Variants in SIPA1L1 observed in about 807,000 individuals in gnomAD.
SIPA1L1 encodes signal-induced proliferation-associated 1-like protein 1.
SIPA1L1 carries 26 observed loss-of-function variants against 162.7 expected under a neutral mutation model. The ratio of observed to expected loss-of-function variants is 0.16; its 90% CI spans 0.12 to 0.22. The LOEUF (loss-of-function observed/expected upper bound fraction) is 0.22, where lower values mean the gene tolerates loss of function less well. Among genes scored for constraint, SIPA1L1 ranks in the 10% least tolerant of loss-of-function variants. The probability of loss-of-function intolerance (pLI) is 1.00; values close to 1 mark genes in which losing one functional copy is unlikely to be tolerated. For synonymous variants in SIPA1L1, 829 were observed against 837.4 expected (o/e 0.99, Z 0.17); for missense variants, 1,874 against 2,241.0 (o/e 0.84, Z 3.31).
Position 71,705,326 on chromosome 14 carries a change from A to T in SIPA1L1, c.3751A>T (p.Asn1251Tyr), listed in dbSNP as rs750305841. Residue 1251 changes from asparagine to tyrosine, a missense_variant, in exon 16 of 24, where the codon AAC becomes TAC. By Grantham distance (143) the Asn-to-Tyr change is moderately radical. This residue lies in a region of SIPA1L1 where 936 missense variants were observed against 1,051.9 expected (regional missense o/e 0.89). Coordinates refer to ENST00000381232, the MANE Select transcript of SIPA1L1 (RefSeq NM_001386936.1). ...RQDPVVHLSPNKQGHSDSHYS... is the reference protein window; with the variant it reads ...RQDPVVHLSPYKQGHSDSHYS... ...GGATCCAGTGGTTCATTTGTCTCCA[A>T]ACAAACAAGGGCATGTAAGTTAACT... 52 of 1,612,736 alleles carry T rather than the reference A, an allele frequency of 3.2e-5. No homozygotes were observed. Among genetic ancestry groups the T allele is most frequent in the Non-Finnish European group, 4.2e-5 (50 of 1,178,824 alleles).
intron 4 of SIPA1L1, among the ~76,000 whole-genome samples, chr14:71,547,430 A>C (rs2055338714): frequency 6.7e-6 from 1 of 149,806 alleles, no homozygotes; most frequent in East Asian, 2.0e-4. Context: ...AGTAGCTGGG[A>C]TTACAAGTGT....
chr14:71,727,889 C>T (rs1485570745), intron 19 of SIPA1L1, among the ~76,000 whole-genome samples: 1 of 152,224 alleles, frequency 6.6e-6, no homozygotes, highest in Non-Finnish European at 1.5e-5. Flanking sequence ...AGAACGCCTT[C>T]GGGGTAGGTT....
intron 16 of SIPA1L1, among the ~76,000 whole-genome samples, chr14:71,707,137 A>G (rs1474508674): frequency 1.3e-5 from 2 of 150,996 alleles, no homozygotes; most frequent in Non-Finnish European, 3.0e-5. Flanking sequence ...ACACGCACGC[A>G]CACACACACG....
intron 2 of SIPA1L1, among the ~76,000 whole-genome samples, chr14:71,460,590 G>A (rs770499990): frequency 5.3e-5 from 8 of 152,162 alleles, no homozygotes; most frequent in Non-Finnish European, 1.2e-4. Flanking sequence ...TCAACTTCCA[G>A]TTTAATGGAA....
chr14:71,445,794 G>T, intron 2 of SIPA1L1, among the ~76,000 whole-genome samples: 1 of 152,104 alleles, frequency 6.6e-6, no homozygotes, highest in Non-Finnish European at 1.5e-5. Flanking sequence ...TAGATATTAG[G>T]TAACTTAACA....
intron 5 of SIPA1L1, among the ~76,000 whole-genome samples, chr14:71,590,047 ATATATAT>A (rs2035168938): frequency 3.9e-3 from 182 of 47,042 alleles, no homozygotes; most frequent in Middle Eastern, 8.9e-3. Flanking sequence ...AAAAAAAAAT[ATATATAT>A]ATATATATAT....
At chr14:71,426,568 C>T (rs2043583057) in intron 2 of SIPA1L1, among the ~76,000 whole-genome samples, 2 of 149,542 alleles carry the variant, frequency 1.3e-5, no homozygotes, top group South Asian at 4.2e-4. Context: ...TGGCTTACTG[C>T]AACCTCTGCC....
chr14:71,622,004 T>G (rs776625634), intron 6 of SIPA1L1, among the ~76,000 whole-genome samples: 20 of 152,230 alleles, frequency 1.3e-4, no homozygotes, highest in Admixed American at 3.3e-4. Context: ...TGTCTGTAGC[T>G]CCTGCACTTT....
intron 19 of SIPA1L1, among the ~76,000 whole-genome samples, chr14:71,728,675 G>C (rs1269830958): frequency 3.9e-5 from 6 of 152,182 alleles, no homozygotes; most frequent in Admixed American, 3.9e-4. Context: ...TTCTCTCTCT[G>C]CCCCTTCAGA....
At chr14:71,637,868 C>CT (rs1361643579) in intron 7 of SIPA1L1, among the ~76,000 whole-genome samples, 1 of 152,270 alleles carries the variant, frequency 6.6e-6, no homozygotes, top group Middle Eastern at 3.4e-3. Context: ...GGGTACTACT[C>CT]TATCAGGAAT....
At chr14:71,512,350 C>T (rs906359479) in intron 2 of SIPA1L1, among the ~76,000 whole-genome samples, 5 of 152,076 alleles carry the variant, frequency 3.3e-5, no homozygotes, top group South Asian at 2.1e-4. Flanking sequence ...AAATATTTTA[C>T]GTTAAAATAT....
chr14:71,336,997 G>A (rs929496199), intron 2 of SIPA1L1, among the ~76,000 whole-genome samples: 4 of 152,046 alleles, frequency 2.6e-5, no homozygotes, highest in African/African-American at 7.2e-5. Flanking sequence ...TTTCTGACCC[G>A]TTTGACTCCC....
intron 7 of SIPA1L1, among the ~76,000 whole-genome samples, chr14:71,644,193 C>G (rs2041963139): frequency 6.6e-6 from 1 of 151,862 alleles, no homozygotes; most frequent in Non-Finnish European, 1.5e-5. Context: ...ATGAAAAATT[C>G]ATTGACTTTC....
intron 2 of SIPA1L1, among the ~76,000 whole-genome samples, chr14:71,388,653 T>C (rs1595167962): frequency 6.6e-6 from 1 of 152,220 alleles, no homozygotes; most frequent in Non-Finnish European, 1.5e-5. Flanking sequence ...GCTAAAGATA[T>C]TTCCTGCAGA....
chr14:71,667,813 C>T (rs968748044), intron 10 of SIPA1L1, among the ~76,000 whole-genome samples: 2 of 152,158 alleles, frequency 1.3e-5, no homozygotes, highest in Non-Finnish European at 2.9e-5. Context: ...TGCCTGTAAT[C>T]CCAGCAATTT....
At chr14:71,698,865 C>A in intron 13 of SIPA1L1, 116 bp from the exon 14 acceptor site, 2 of 870,776 alleles carry the variant, frequency 2.3e-6, no homozygotes, top group Non-Finnish European at 3.2e-6. Flanking sequence ...GCTTCATTTT[C>A]ACTATCTCCA....
intron 5 of SIPA1L1, among the ~76,000 whole-genome samples, chr14:71,617,788 C>T (rs187793419): frequency 1.3e-5 from 2 of 152,140 alleles, no homozygotes; most frequent in African/African-American, 4.8e-5. Context: ...AAATGAAATA[C>T]AATAATGTAT....
intron 2 of SIPA1L1, among the ~76,000 whole-genome samples, chr14:71,400,474 T>C (rs2041585165): frequency 6.6e-6 from 1 of 152,104 alleles, no homozygotes. Context: ...GCAAATTGAA[T>C]CTTAGGGAAT....
intron 4 of SIPA1L1, among the ~76,000 whole-genome samples, chr14:71,587,314 C>A (rs1359657880): frequency 1.3e-5 from 2 of 151,762 alleles, no homozygotes; most frequent in African/African-American, 4.8e-5. Flanking sequence ...CTCCCCCTGC[C>A]CCCCATTTTA....
Sources: gnomAD v4.1 joint callset for allele counts (sites outside exome capture counted in the v4.1 genomes callset) on GRCh38, gnomAD v4.1.1 for gene constraint, gnomAD v4.1.1 regional missense constraint, MANE v1.5 for transcripts, NCBI Gene and HGNC (gene_info 2026-07-23, HGNC 2026-07-21) for gene names.